SSH2: variants seen among roughly 807,000 people sequenced by gnomAD.
The protein encoded by SSH2 is slingshot protein phosphatase 2.
A neutral mutation model predicts 135.2 loss-of-function variants in SSH2; 37 were observed. That is an observed-to-expected ratio of 0.27 (90% CI 0.21 to 0.36). The LOEUF (loss-of-function observed/expected upper bound fraction) is 0.36. Ranked by LOEUF, SSH2 falls within the 10% of genes least tolerant of loss-of-function variation. The pLI is 1.00. For missense variants in SSH2, 1,408 were observed against 1,765.3 expected (o/e 0.80, Z 3.63); for synonymous variants, 628 against 646.2 (o/e 0.97, Z 0.43).
chr17:29,825,293 T>C lies in SSH2; in HGVS notation c.144+23556A>G, dbSNP rs569860185. Reference sequence around the variant, plus strand: ...AGTACCCAAAGGTTAAATGACAGGTTAGTATGTTCTGCCCATGAGAATATG... The same window carrying C: ...AGTACCCAAAGGTTAAATGACAGGTCAGTATGTTCTGCCCATGAGAATATG... On this transcript the variant is annotated intron_variant, in intron 2 of 15. Transcript: ENST00000540801. Among the ~76,000 whole-genome samples, 8 of 152,282 alleles carry C rather than the reference T, an allele frequency of 5.3e-5. No individual in the cohort carries two copies. In the South Asian group the frequency reaches 1.7e-3, roughly 32 times the overall value.
chr17:29,649,563 A>T (rs2036512390), intron 13 of SSH2, among the ~76,000 whole-genome samples: 1 of 151,954 alleles, frequency 6.6e-6, no homozygotes, highest in African/African-American at 2.4e-5. Flanking sequence ...ATTAAAAAAA[A>T]ATTTTTTTTT....
chr17:29,839,201 A>G (rs971164987), intron 2 of SSH2: 1 of 152,280 alleles, frequency 6.6e-6, no homozygotes, highest in Non-Finnish European at 1.5e-5. Context: ...CTCCCATTGC[A>G]GCCAGTGTGC....
chr17:29,888,880 T>C (rs1358897185), intron 1 of SSH2, among the ~76,000 whole-genome samples: 1 of 119,116 alleles, frequency 8.4e-6, no homozygotes, highest in Admixed American at 1.2e-4. Context: ...GTTGAAGCCA[T>C]GATAGTGCAC....
At chr17:29,872,950 C>A (rs903744394) in intron 1 of SSH2, among the ~76,000 whole-genome samples, 2 of 150,010 alleles carry the variant, frequency 1.3e-5, no homozygotes, top group Non-Finnish European at 3.0e-5. Flanking sequence ...GAGCCGAGAT[C>A]ACACCACTGC....
chr17:29,769,235 T>C (rs911893746), intron 3 of SSH2, among the ~76,000 whole-genome samples: 3 of 152,150 alleles, frequency 2.0e-5, no homozygotes, highest in Non-Finnish European at 4.4e-5. Context: ...TCTTAAACAG[T>C]ATTCTATATT....
At chr17:29,647,998 T>C (rs2036445499) in intron 14 of SSH2, 146 bp downstream of exon 14, 6 of 808,624 alleles carry the variant, frequency 7.4e-6, no homozygotes, top group Middle Eastern at 3.7e-4. Context: ...CACTTATGTT[T>C]TGAAAACTGG....
At chr17:29,909,020 T>G (rs997938186) in intron 1 of SSH2, among the ~76,000 whole-genome samples, 1 of 151,648 alleles carries the variant, frequency 6.6e-6, no homozygotes, top group Non-Finnish European at 1.5e-5. Context: ...GAGCTTGCAG[T>G]GAGCCGAGAT....
intron 1 of SSH2, among the ~76,000 whole-genome samples, chr17:29,900,355 A>C (rs2066527421): frequency 6.6e-6 from 1 of 152,068 alleles, no homozygotes; most frequent in Non-Finnish European, 1.5e-5. Flanking sequence ...AACCTACAGA[A>C]TGGGAGAAAA....
chr17:29,923,361 G>A (rs766222663), intron 1 of SSH2, among the ~76,000 whole-genome samples: 1 of 152,042 alleles, frequency 6.6e-6, no homozygotes, highest in Non-Finnish European at 1.5e-5. Flanking sequence ...ACTCACATCT[G>A]TAATCCCAGC....
At chr17:29,789,115 G>T (rs1299178299) in intron 3 of SSH2, among the ~76,000 whole-genome samples, 1 of 152,198 alleles carries the variant, frequency 6.6e-6, no homozygotes, top group East Asian at 1.9e-4. Flanking sequence ...CAGTGGAATT[G>T]GACATTCAAC....
intron 2 of SSH2, among the ~76,000 whole-genome samples, chr17:29,820,439 T>C (rs1456746088): frequency 2.0e-5 from 3 of 152,238 alleles, no homozygotes; most frequent in African/African-American, 4.8e-5. Flanking sequence ...CTGTGCTAGC[T>C]GCTGGTATAA....
intron 1 of SSH2, chr17:29,863,414 T>C (rs1365635840): frequency 5.3e-5 from 8 of 152,248 alleles, no homozygotes; most frequent in Admixed American, 5.2e-4. Context: ...TACATCTTAA[T>C]ACTGGTCTTC....
intron 2 of SSH2, among the ~76,000 whole-genome samples, chr17:29,840,359 A>G (rs1316648768): frequency 6.6e-6 from 1 of 152,226 alleles, no homozygotes; most frequent in African/African-American, 2.4e-5. Flanking sequence ...GCCTAGACCA[A>G]TACAAATCCA....
Position 29,742,481 on chromosome 17 carries a change from GTTTTTTT to G in SSH2, c.189-39426_189-39420del, listed in dbSNP as rs35446491. Among the ~76,000 whole-genome samples, 3 of 90,608 alleles carry G rather than the reference GTTTTTTT, an allele frequency of 3.3e-5. No individual in the cohort carries two copies. In the South Asian group the frequency reaches 1.1e-3, roughly 34 times the overall value. The allele number at this position is 90,608 out of a possible 152,430, so 59.4% of individuals were successfully genotyped here. On this transcript the variant is annotated intron_variant, in intron 3 of 15. Transcript: ENST00000540801. ...CGAGAGGTATGTGCCACCACACCCA[GTTTTTTT>G]TTTTTTTTTTTTCTTTTCAATTTTT...
At chr17:29,884,125 T>C (rs916017179) in intron 1 of SSH2, among the ~76,000 whole-genome samples, 2 of 152,136 alleles carry the variant, frequency 1.3e-5, no homozygotes, top group Non-Finnish European at 2.9e-5. Flanking sequence ...ATATTCACAA[T>C]TTGTTTGATC....
chr17:29,814,340 G>A (rs2042513123), intron 2 of SSH2, among the ~76,000 whole-genome samples: 1 of 148,760 alleles, frequency 6.7e-6, no homozygotes, highest in Non-Finnish European at 1.5e-5. Flanking sequence ...GGCTGAGGCA[G>A]GAGAATGGCG....
chr17:29,789,200 G>A (rs977535341), intron 3 of SSH2, among the ~76,000 whole-genome samples: 2 of 152,200 alleles, frequency 1.3e-5, no homozygotes, highest in African/African-American at 4.8e-5. Context: ...TGCAAAAAGA[G>A]AGAAATGAAT....
intron 11 of SSH2, among the ~76,000 whole-genome samples, chr17:29,659,813 C>T (rs1449776693): frequency 2.0e-5 from 3 of 151,772 alleles, no homozygotes; most frequent in Non-Finnish European, 2.9e-5. Flanking sequence ...CAGGCGTGAG[C>T]CACTGCGCCT....
intron 3 of SSH2, among the ~76,000 whole-genome samples, chr17:29,763,032 T>C (rs1031162503): frequency 6.6e-6 from 1 of 152,226 alleles, no homozygotes; most frequent in Non-Finnish European, 1.5e-5. Flanking sequence ...TATATAAATA[T>C]TTATGCTCTT....
Sources: gnomAD v4.1 joint callset for allele counts (sites outside exome capture counted in the v4.1 genomes callset) on GRCh38, gnomAD v4.1.1 for gene constraint, MANE v1.5 for transcripts, NCBI Gene and HGNC (gene_info 2026-07-23, HGNC 2026-07-21) for gene names.